The following SLC9A9 variants were observed in gnomAD, a reference collection of about 807,000 sequenced individuals.
SLC9A9 encodes sodium/hydrogen exchanger 9.
Under a neutral mutation model 77.8 loss-of-function variants are expected in SLC9A9, and 62 were observed. The observed-to-expected ratio is 0.80, with a 90% CI of 0.65 to 0.98. SLC9A9 has a LOEUF of 0.98. SLC9A9 is among the 50% of genes least tolerant of loss of function. The pLI is 0.00. For synonymous variants in SLC9A9, 320 were observed against 283.5 expected, an observed-to-expected ratio of 1.13 and a Z score of -1.29; for missense variants, 775 against 774.9, an observed-to-expected ratio of 1.00 and a Z score of 0.00.
intron 5 of SLC9A9, among the ~76,000 whole-genome samples, chr3:143,678,302 C>A (rs1217091688): frequency 6.6e-6 from 1 of 152,034 alleles, no homozygotes; most frequent in Non-Finnish European, 1.5e-5. Context: ...AATGTATTTT[C>A]TTTTTATATC....
At chr3:143,557,119 A>G (rs964826188) in intron 8 of SLC9A9, among the ~76,000 whole-genome samples, 1 of 152,122 alleles carries the variant, frequency 6.6e-6, no homozygotes, top group Non-Finnish European at 1.5e-5. Flanking sequence ...AGTTTCCCCC[A>G]TGCTGTTCTC....
At chr3:143,745,698 G>T (rs1363851046) in intron 4 of SLC9A9, among the ~76,000 whole-genome samples, 1 of 152,130 alleles carries the variant, frequency 6.6e-6, no homozygotes, top group Admixed American at 6.6e-5. Flanking sequence ...ATCATTCCAG[G>T]TGCCAAAGTT....
chr3:143,553,517 G>A (rs2036928847), intron 8 of SLC9A9, among the ~76,000 whole-genome samples: 1 of 152,144 alleles, frequency 6.6e-6, no homozygotes, highest in Non-Finnish European at 1.5e-5. Context: ...TAAGAGTATA[G>A]AGATATGTGA....
chr3:143,808,807 G>T lies in SLC9A9; in HGVS notation c.379-11904C>A, dbSNP rs116585210. Among the ~76,000 whole-genome samples the T allele has an allele frequency of 3.5e-3, 536 of 151,930 alleles. 3 individuals are homozygous for T. The highest frequency in any genetic ancestry group is 0.012 in the African/African-American group (516 of 41,426). ...GTACCTAATTCTAAGATGGTTATAA[G>T]AATTAAATGAATTAATATTTGTAAA... On this transcript the variant is annotated intron_variant, in intron 2 of 15. Transcript: ENST00000316549.
intron 14 of SLC9A9, among the ~76,000 whole-genome samples, chr3:143,306,019 C>T (rs879800267): frequency 2.0e-5 from 3 of 152,068 alleles, no homozygotes; most frequent in Non-Finnish European, 4.4e-5. Context: ...TGATTTTTTC[C>T]CCCTTGTATG....
chr3:143,420,324 C>T (rs899115239), intron 12 of SLC9A9, among the ~76,000 whole-genome samples: 1 of 152,184 alleles, frequency 6.6e-6, no homozygotes, highest in Non-Finnish European at 1.5e-5. Context: ...CAATAGGCAT[C>T]CAATCAACTG....
chr3:143,376,884 A>C lies in SLC9A9; in HGVS notation c.1524+5176T>G, dbSNP rs552296195. ...TTACAAAAGCTCTCACCTGGGTCACATCAAATTTTGAGACTCGTATTCTAT... is the reference window on the plus strand; with the variant it reads ...TTACAAAAGCTCTCACCTGGGTCACCTCAAATTTTGAGACTCGTATTCTAT... On this transcript the variant is annotated intron_variant, in intron 13 of 15. Coordinates refer to ENST00000316549, the MANE Select transcript of SLC9A9 (RefSeq NM_173653.4). Among the ~76,000 whole-genome samples the C allele has an allele frequency of 5.3e-5, 8 of 152,354 alleles. No homozygotes were observed. In the South Asian group the frequency reaches 1.7e-3, roughly 32 times the overall value.
At chr3:143,760,681 A>G (rs561134116) in intron 4 of SLC9A9, among the ~76,000 whole-genome samples, 60 of 152,220 alleles carry the variant, frequency 3.9e-4, no homozygotes, top group African/African-American at 1.4e-3. Context: ...ACTGCTCAAC[A>G]AAATAAAAGA....
chr3:143,731,724 T>A (rs1161319409), intron 4 of SLC9A9, among the ~76,000 whole-genome samples: 1 of 152,242 alleles, frequency 6.6e-6, no homozygotes, highest in Non-Finnish European at 1.5e-5. Flanking sequence ...CTTGTCCTTT[T>A]GAATGTCTAA....
intron 4 of SLC9A9, among the ~76,000 whole-genome samples, chr3:143,769,011 A>G (rs541511616): frequency 6.6e-6 from 1 of 152,192 alleles, no homozygotes; most frequent in African/African-American, 2.4e-5. Flanking sequence ...TATCTTTGTG[A>G]CTTTGGCCGA....
intron 12 of SLC9A9, among the ~76,000 whole-genome samples, chr3:143,458,900 T>A (rs1024865012): frequency 6.6e-6 from 1 of 152,140 alleles, no homozygotes; most frequent in African/African-American, 2.4e-5. Context: ...ATGAATACAT[T>A]CCTTTGGCAT....
chr3:143,556,343 G>C (rs2036982030), intron 8 of SLC9A9, among the ~76,000 whole-genome samples: 1 of 152,162 alleles, frequency 6.6e-6, no homozygotes. Flanking sequence ...ATCTTTACTG[G>C]CTCTGTGATC....
chr3:143,520,802 GTGGTTTAATT>G (rs2036283766), intron 9 of SLC9A9, among the ~76,000 whole-genome samples: 2 of 152,130 alleles, frequency 1.3e-5, no homozygotes, highest in South Asian at 4.1e-4. Flanking sequence ...TCTAGTAGTT[GTGGTTTAATT>G]TGAACTCCCC....
chr3:143,306,005 CATTTG>C (rs1407607374), intron 14 of SLC9A9, among the ~76,000 whole-genome samples: 4 of 152,236 alleles, frequency 2.6e-5, no homozygotes, highest in African/African-American at 7.2e-5. Flanking sequence ...AGATTATGAA[CATTTG>C]ATTTTTTCCC....
intron 1 of SLC9A9, among the ~76,000 whole-genome samples, chr3:143,847,281 C>T (rs1242924507): frequency 6.6e-6 from 1 of 152,214 alleles, no homozygotes; most frequent in East Asian, 1.9e-4. Context: ...TATCCATTAT[C>T]AGGCTGAGAT....
At chr3:143,824,832 A>C (rs975019413) in intron 2 of SLC9A9, among the ~76,000 whole-genome samples, 1 of 152,206 alleles carries the variant, frequency 6.6e-6, no homozygotes, top group African/African-American at 2.4e-5. Context: ...AAAATGTTGA[A>C]TGAAAGTGGA....
chr3:143,395,728 C>T (rs1356622017), intron 12 of SLC9A9, among the ~76,000 whole-genome samples: 1 of 152,086 alleles, frequency 6.6e-6, no homozygotes, highest in East Asian at 1.9e-4. Context: ...CCAGAATCTA[C>T]AAAGAACTCA....
intron 9 of SLC9A9, among the ~76,000 whole-genome samples, chr3:143,542,363 A>G (rs1416250954): frequency 1.3e-5 from 2 of 152,224 alleles, no homozygotes; most frequent in African/African-American, 2.4e-5. Flanking sequence ...AGAGTAATAA[A>G]AAAAGGCAAT....
At chr3:143,661,078 T>G (rs935765536) in intron 5 of SLC9A9, among the ~76,000 whole-genome samples, 2 of 152,068 alleles carry the variant, frequency 1.3e-5, no homozygotes, top group African/African-American at 4.8e-5. Flanking sequence ...CATTGTTGAG[T>G]GCAATCACGG....
Sources: allele counts gnomAD v4.1 joint callset (sites outside exome capture counted in the v4.1 genomes callset), GRCh38; gene constraint gnomAD v4.1.1; transcripts MANE v1.5; gene names NCBI Gene and HGNC (gene_info 2026-07-23, HGNC 2026-07-21).